The following DOCK10 variants were observed in gnomAD, a reference collection of about 807,000 sequenced individuals.
DOCK10 encodes dedicator of cytokinesis 10.
A neutral mutation model predicts 280.1 loss-of-function variants in DOCK10; 145 were observed. The observed-to-expected ratio is 0.52, with a 90% CI of 0.45 to 0.59. The LOEUF (loss-of-function observed/expected upper bound fraction) is 0.59, where lower values mean the gene tolerates loss of function less well. DOCK10 is among the 20% of genes least tolerant of loss of function. DOCK10 has a pLI of 0.00. For missense variants in DOCK10, 2,368 were observed against 2,651.7 expected (o/e 0.89, Z 2.35); for synonymous variants, 915 against 942.2 (o/e 0.97, Z 0.53).
At chr2:224,890,562 G>A (rs532658884) in intron 4 of DOCK10, among the ~76,000 whole-genome samples, 6 of 151,918 alleles carry the variant, frequency 3.9e-5, no homozygotes, top group Non-Finnish European at 7.4e-5. Flanking sequence ...ACTGGAGGAT[G>A]TCTAAACAAA....
intron 1 of DOCK10, among the ~76,000 whole-genome samples, chr2:224,977,939 A>G (rs2126237778): frequency 6.6e-6 from 1 of 152,336 alleles, no homozygotes; most frequent in South Asian, 2.1e-4. Flanking sequence ...GAAGGGTATC[A>G]ATATTCAAAG....
At chr2:225,014,082 T>TATATATATATATATATATATATA (rs143161746) in intron 1 of DOCK10, among the ~76,000 whole-genome samples, 1 of 45,716 alleles carries the variant, frequency 2.2e-5, no homozygotes, top group African/African-American at 8.8e-5. Flanking sequence ...TCTGAATATA[T>TATATATATATATATATATATATA]TGTTTTTTTT....
At chr2:224,936,655 TAATAC>T (rs918300170) in intron 1 of DOCK10, among the ~76,000 whole-genome samples, 1 of 152,104 alleles carries the variant, frequency 6.6e-6, no homozygotes, top group Non-Finnish European at 1.5e-5. Flanking sequence ...GTAATAAATA[TAATAC>T]AACAGAATAA....
chr2:224,886,411 C>T (rs1699285581), intron 5 of DOCK10, 48 bp downstream of exon 5: 3 of 1,555,718 alleles, frequency 1.9e-6, no homozygotes, highest in Admixed American at 1.7e-5. Flanking sequence ...AAGACAGAAA[C>T]TAATTATCCT....
chr2:224,793,206 T>G (rs1225582162), intron 46 of DOCK10, 134 bp from the exon 47 acceptor site: 1 of 835,100 alleles, frequency 1.2e-6, no homozygotes, highest in East Asian at 2.5e-5. Context: ...TAGCCTTTGC[T>G]GTACATAGAA....
intron 1 of DOCK10, among the ~76,000 whole-genome samples, chr2:225,021,709 TTTG>T (rs1054215379): frequency 3.3e-5 from 5 of 152,182 alleles, no homozygotes; most frequent in Admixed American, 6.5e-5. Context: ...GTCGCAGGTT[TTTG>T]TTGTTGTTGT....
At chr2:224,832,053 T>G (rs1281024173) in intron 26 of DOCK10, among the ~76,000 whole-genome samples, 1 of 152,186 alleles carries the variant, frequency 6.6e-6, no homozygotes, top group South Asian at 2.1e-4. Context: ...GTGACACTTA[T>G]CTCAGCTACA....
At chr2:224,944,738 A>C (rs1220378166) in intron 1 of DOCK10, among the ~76,000 whole-genome samples, 1 of 152,230 alleles carries the variant, frequency 6.6e-6, no homozygotes, top group East Asian at 1.9e-4. Context: ...ATAATACTTA[A>C]GGATGGATCA....
At chr2:224,949,671 A>C (rs1703620173) in intron 1 of DOCK10, among the ~76,000 whole-genome samples, 1 of 152,174 alleles carries the variant, frequency 6.6e-6, no homozygotes, top group African/African-American at 2.4e-5. Flanking sequence ...AAATTACAGA[A>C]TCATCTGGGA....
At chr2:224,855,183 A>T (rs1242969122) in intron 15 of DOCK10, 141 bp from the exon 16 acceptor site, 2 of 441,658 alleles carry the variant, frequency 4.5e-6, no homozygotes, top group Non-Finnish European at 7.8e-6. Flanking sequence ...ACTCCCAAAT[A>T]ATCTTGTGAA....
Position 224,854,998 on chromosome 2 carries a change from TCC to T in DOCK10, c.1851_1852del (p.Asp618TyrfsTer4). On this transcript the variant is annotated frameshift_variant, in exon 16 of 56. Coordinates refer to ENST00000258390, the MANE Select transcript of DOCK10 (RefSeq NM_014689.3). LOFTEE classifies it high-confidence loss of function. ...CAAGGGAACGTTGTCAACAGCAATATCCAGGCTTCCAGGAATGGTCTGCATTT... is the reference window on the plus strand; with the variant it reads ...CAAGGGAACGTTGTCAACAGCAATATAGGCTTCCAGGAATGGTCTGCATTT... 6.2e-7 allele frequency: 1 copy of T among 1,610,582 alleles called. No individual in the cohort carries two copies. The highest frequency in any genetic ancestry group is 8.5e-7 in the Non-Finnish European group (1 of 1,178,394).
At chr2:224,982,587 G>T in intron 1 of DOCK10, 1 of 883,786 alleles carries the variant, frequency 1.1e-6, no homozygotes, top group African/African-American at 1.8e-5. Flanking sequence ...GAATATTAGA[G>T]CACTGCGCTC....
chr2:224,984,878 A>G (rs990987583), intron 1 of DOCK10, among the ~76,000 whole-genome samples: 15 of 138,740 alleles, frequency 1.1e-4, no homozygotes, highest in Admixed American at 5.4e-4. Flanking sequence ...GTTTCGCTCT[A>G]TCGCCCAGGC....
At position 224,770,587 on chromosome 2, in the gene DOCK10, T is replaced by C. The variant is rs1192643651; in HGVS notation, c.6263A>G (p.Lys2088Arg). 1.2e-6 allele frequency: 2 copies of C among 1,613,902 alleles called. No homozygotes were observed. Among genetic ancestry groups the C allele is most frequent in the Admixed American group, 3.3e-5 (2 of 60,010 alleles). ...AAGCTTTACTTGGTTGTCAGGGTAC[T>C]TCTTTGCATTGGTTTCTTCAAGAAA... ...RAFLEETNAKKYPDNQVKLLK... is the reference protein window; with the variant it reads ...RAFLEETNAKRYPDNQVKLLK... Residue 2088 changes from lysine to arginine, a missense_variant, in exon 54 of 56, where the codon AAG becomes AGG. Lys to Arg is a conservative substitution (Grantham distance 26, BLOSUM62 2). Coordinates refer to ENST00000258390, the MANE Select transcript of DOCK10 (RefSeq NM_014689.3). The surrounding 1 kb of genome is among the most constrained non-coding windows in gnomAD (Gnocchi z 4.5).
At chr2:224,774,488 C>T (rs1690685078) in intron 52 of DOCK10, among the ~76,000 whole-genome samples, 2 of 152,222 alleles carry the variant, frequency 1.3e-5, no homozygotes, top group African/African-American at 4.8e-5. Flanking sequence ...ATATTGGAGA[C>T]CGACATCTGC....
At chr2:224,985,084 TTAA>T (rs1027511849) in intron 1 of DOCK10, among the ~76,000 whole-genome samples, 21 of 152,148 alleles carry the variant, frequency 1.4e-4, no homozygotes, top group African/African-American at 4.6e-4. Flanking sequence ...ATTTGAACTA[TTAA>T]TAAGATGAAT....
At chr2:224,787,454 T>C in intron 48 of DOCK10, 57 bp from the exon 49 acceptor site, 2 of 1,596,704 alleles carry the variant, frequency 1.3e-6, no homozygotes, top group Non-Finnish European at 1.7e-6. Flanking sequence ...GGCTCATGCC[T>C]GAAACTTGGT....
chr2:224,785,245 A>G (rs1264163324), intron 50 of DOCK10, among the ~76,000 whole-genome samples: 1 of 151,614 alleles, frequency 6.6e-6, no homozygotes, highest in Admixed American at 6.6e-5. Flanking sequence ...TTCTCACTTC[A>G]GATAGTTCAG....
At chr2:224,802,170 C>T in intron 39 of DOCK10, 130 bp from the exon 40 acceptor site, 1 of 931,862 alleles carries the variant, frequency 1.1e-6, no homozygotes, top group Non-Finnish European at 1.5e-6. Flanking sequence ...CTTTTTATTA[C>T]AAATATTAAT....
Sources: allele counts gnomAD v4.1 joint callset (sites outside exome capture counted in the v4.1 genomes callset), GRCh38; gene constraint gnomAD v4.1.1; non-coding constraint Gnocchi (gnomAD v3.1); transcripts MANE v1.5; gene names NCBI Gene and HGNC (gene_info 2026-07-23, HGNC 2026-07-21).